LRRC4C: variants seen among roughly 807,000 people sequenced by gnomAD.
The protein encoded by LRRC4C is leucine rich repeat containing 4C, also known as leucine-rich repeat-containing protein 4C.
In LRRC4C, 5 loss-of-function variants were observed where a neutral mutation model predicts 33.6. The observed-to-expected ratio is 0.15, with a 90% CI of 0.08 to 0.31. The LOEUF (loss-of-function observed/expected upper bound fraction) is 0.31. LRRC4C is among the 10% of genes least tolerant of loss of function. The pLI, the probability that LRRC4C is intolerant of heterozygous loss-of-function variation, is 1.00. For missense variants in LRRC4C, 560 were observed against 796.7 expected (o/e 0.70, Z 3.58); for synonymous variants, 329 against 302.0 (o/e 1.09, Z -0.93).
At chr11:40,172,978 A>T (rs921664712) in intron 5 of LRRC4C, among the ~76,000 whole-genome samples, 2 of 152,216 alleles carry the variant, frequency 1.3e-5, no homozygotes, top group Non-Finnish European at 1.5e-5. Context: ...GCACAGAGGA[A>T]GATCAAGTGA....
At chr11:41,313,477 G>A (rs1353703188) in intron 1 of LRRC4C, among the ~76,000 whole-genome samples, 2 of 152,072 alleles carry the variant, frequency 1.3e-5, no homozygotes, top group Admixed American at 6.6e-5. Flanking sequence ...TACACTGGAG[G>A]ATGAACACCT....
intron 3 of LRRC4C, among the ~76,000 whole-genome samples, chr11:40,326,601 G>A (rs1946117693): frequency 6.6e-6 from 1 of 151,570 alleles, no homozygotes; most frequent in Non-Finnish European, 1.5e-5. Context: ...GTTGTGCAGG[G>A]CCAAAGAAGC....
chr11:41,355,026 C>A (rs1473074848), intron 1 of LRRC4C, among the ~76,000 whole-genome samples: 4 of 152,014 alleles, frequency 2.6e-5, no homozygotes. Flanking sequence ...TTCAGCTCAG[C>A]AAAAGAAACT....
chr11:40,807,113 C>A (rs1181301070), intron 2 of LRRC4C, among the ~76,000 whole-genome samples: 11 of 152,140 alleles, frequency 7.2e-5, no homozygotes, highest in African/African-American at 2.2e-4. Context: ...ATACAGCTAA[C>A]TTTCAGGGCA....
chr11:41,020,153 G>C (rs1462232), intron 1 of LRRC4C, among the ~76,000 whole-genome samples: 109,597 of 151,998 alleles, frequency 0.72, 39,830 homozygotes, highest in South Asian at 0.78. Flanking sequence ...TGGTTTTATT[G>C]TTTCCAATTT....
intron 4 of LRRC4C, among the ~76,000 whole-genome samples, chr11:40,294,334 G>C (rs1192515962): frequency 6.6e-6 from 1 of 152,026 alleles, no homozygotes; most frequent in African/African-American, 2.4e-5. Context: ...AGGCTGTGTG[G>C]GAGAAGTCAG....
chr11:40,503,230 A>G lies in LRRC4C; in HGVS notation c.-270+144912T>C, dbSNP rs1458910370. Among the ~76,000 whole-genome samples, 4 of 152,182 alleles carry G rather than the reference A, an allele frequency of 2.6e-5. 1 individual carries two copies. Among genetic ancestry groups the G allele is most frequent in the Admixed American group, 2.6e-4 (4 of 15,272 alleles). ...AACATTACCTTCATGAAGCCTTCCT[A>G]CAGACCCCAGGACAGAATTACTTCT... On this transcript the variant is annotated intron_variant, in intron 3 of 6. Coordinates refer to ENST00000528697, the MANE Select transcript of LRRC4C (RefSeq NM_001258419.2).
intron 2 of LRRC4C, among the ~76,000 whole-genome samples, chr11:40,830,930 A>G (rs1277393640): frequency 6.6e-6 from 1 of 152,166 alleles, no homozygotes; most frequent in Non-Finnish European, 1.5e-5. Context: ...GTTGAAATGA[A>G]TTACAATGTC....
intron 5 of LRRC4C, among the ~76,000 whole-genome samples, chr11:40,189,069 C>T (rs77751775): frequency 0.043 from 6,471 of 152,222 alleles, 210 homozygotes; most frequent in African/African-American, 0.092. Context: ...GGATCTGGGC[C>T]AGGCCTTTAT....
chr11:40,783,295 ATTTTATTTTT>A (rs1277858063), intron 2 of LRRC4C, among the ~76,000 whole-genome samples: 2 of 147,944 alleles, frequency 1.4e-5, no homozygotes, highest in African/African-American at 5.1e-5. Context: ...ATTTTATTTT[ATTTTATTTTT>A]TATTTTTTGA....
At chr11:40,382,785 C>T (rs1400659647) in intron 3 of LRRC4C, among the ~76,000 whole-genome samples, 3 of 150,018 alleles carry the variant, frequency 2.0e-5, no homozygotes, top group Non-Finnish European at 4.4e-5. Flanking sequence ...GCTCCGCCCC[C>T]AGGGTTCACG....
chr11:40,651,282 T>C (rs953905935), intron 2 of LRRC4C, among the ~76,000 whole-genome samples: 1 of 152,134 alleles, frequency 6.6e-6, no homozygotes, highest in Non-Finnish European at 1.5e-5. Context: ...TCTTAACACG[T>C]TCATCAATTT....
intron 5 of LRRC4C, among the ~76,000 whole-genome samples, chr11:40,229,153 G>T (rs1018125463): frequency 6.6e-6 from 1 of 152,012 alleles, no homozygotes; most frequent in Non-Finnish European, 1.5e-5. Flanking sequence ...AGGAATAATT[G>T]TCTTCTTTAT....
rs537522885 is a variant in LRRC4C, at chr11:40,217,584, G to C, written c.-96+23935C>G. 1.4e-3 allele frequency among the ~76,000 whole-genome samples: 215 copies of C among 152,166 alleles called. 1 individual carries two copies. Among genetic ancestry groups the C allele is most frequent in the South Asian group, 4.6e-3 (22 of 4,820 alleles). ...TGCCAATCTGGTATACAAATTAAAT[G>C]AGATAAATGCATTTACAATGCATAG... On this transcript the variant is annotated intron_variant, in intron 5 of 6. Transcript: ENST00000528697.
chr11:40,520,190 C>T (rs959181363), intron 3 of LRRC4C, among the ~76,000 whole-genome samples: 7 of 152,178 alleles, frequency 4.6e-5, no homozygotes, highest in Admixed American at 1.3e-4. Flanking sequence ...TCATTGACAA[C>T]GCATTTAGTT....
chr11:41,197,454 A>G (rs1180442225), intron 1 of LRRC4C, among the ~76,000 whole-genome samples: 3 of 152,012 alleles, frequency 2.0e-5, no homozygotes, highest in African/African-American at 4.8e-5. Flanking sequence ...TGCTTGTCCT[A>G]CACATCACTG....
chr11:40,941,881 T>G (rs1192324567), intron 1 of LRRC4C, among the ~76,000 whole-genome samples: 1 of 152,264 alleles, frequency 6.6e-6, no homozygotes, highest in East Asian at 1.9e-4. Flanking sequence ...TATTTTGTGA[T>G]AGTATGTATA....
At chr11:40,618,238 G>A (rs1364678449) in intron 3 of LRRC4C, among the ~76,000 whole-genome samples, 1 of 148,022 alleles carries the variant, frequency 6.8e-6, no homozygotes, top group Non-Finnish European at 1.5e-5. Context: ...GTCTTTCTAA[G>A]TAGAGGAGAG....
At chr11:40,213,024 T>C (rs1267634608) in intron 5 of LRRC4C, among the ~76,000 whole-genome samples, 1 of 152,134 alleles carries the variant, frequency 6.6e-6, no homozygotes, top group Non-Finnish European at 1.5e-5. Context: ...AGAACCATAA[T>C]GCCAGCACCA....
Sources: gnomAD v4.1 joint callset for allele counts (sites outside exome capture counted in the v4.1 genomes callset) on GRCh38, gnomAD v4.1.1 for gene constraint, MANE v1.5 for transcripts, NCBI Gene and HGNC (gene_info 2026-07-23, HGNC 2026-07-21) for gene names.